The following INTS3 variants were observed in gnomAD, a reference collection of about 807,000 sequenced individuals.
INTS3 encodes SOSS complex subunit A.
In INTS3, 34 loss-of-function variants were observed where a neutral mutation model predicts 146.3. That is an observed-to-expected ratio of 0.23 (90% CI 0.18 to 0.31). INTS3 has a LOEUF of 0.31. INTS3 is among the 10% of genes least tolerant of loss of function. The pLI is 1.00. For missense variants in INTS3, 757 were observed against 1,304.2 expected, an observed-to-expected ratio of 0.58 and a Z score of 6.46; for synonymous variants, 475 against 494.9, an observed-to-expected ratio of 0.96 and a Z score of 0.53.
At chr1:153,758,420 T>C (rs1343086738) in intron 10 of INTS3, among the ~76,000 whole-genome samples, 1 of 152,244 alleles carries the variant, frequency 6.6e-6, no homozygotes, top group Non-Finnish European at 1.5e-5. Flanking sequence ...GGTGCTAGTC[T>C]GACTGTTGCC....
Position 153,740,721 on chromosome 1 carries a change from C to T in INTS3, c.221C>T (p.Ala74Val), listed in dbSNP as rs187457797. The change falls in exon 2 of 30, where the codon GCC (alanine) becomes GTC (valine). Residue 74 changes from alanine to valine, a missense_variant. Coordinates refer to ENST00000318967, the MANE Select transcript of INTS3 (RefSeq NM_023015.5). ...GTCTCGGAGAGAGAAGCCAATGATG[C>T]CCTCAATGCGTATGTAAGTAGAATG... ...AGVSEREAND[A>V]LNAYVCKGLP... 1 of 1,611,964 alleles carries T rather than the reference C, an allele frequency of 6.2e-7. No homozygotes were observed. The highest frequency in any genetic ancestry group is 8.5e-7 in the Non-Finnish European group (1 of 1,178,068).
intron 24 of INTS3, among the ~76,000 whole-genome samples, 184 bp downstream of exon 24, chr1:153,770,495 A>G (rs1297567903): frequency 1.3e-5 from 2 of 152,188 alleles, no homozygotes; most frequent in Non-Finnish European, 2.9e-5. Flanking sequence ...TGGGCCCACC[A>G]TGAGCCAGGC....
chr1:153,756,856 C>T (rs1316226153), intron 9 of INTS3, among the ~76,000 whole-genome samples: 1 of 152,168 alleles, frequency 6.6e-6, no homozygotes, highest in African/African-American at 2.4e-5. Context: ...ATCTCAGTTA[C>T]AATAGCTGCA....
intron 1 of INTS3, among the ~76,000 whole-genome samples, chr1:153,733,244 G>T (rs1184731852): frequency 1.0e-5 from 1 of 97,122 alleles, no homozygotes; most frequent in Non-Finnish European, 1.8e-5. Context: ...ATGCAGTCTT[G>T]CTCTGTCTCC....
intron 12 of INTS3, 24 bp from the exon 13 acceptor site, chr1:153,760,803 T>G: frequency 6.3e-7 from 1 of 1,586,426 alleles, no homozygotes; most frequent in Non-Finnish European, 8.7e-7. Context: ...TGTGCTCATT[T>G]TTCCCCTCCT....
At chr1:153,730,996 G>A (rs1230781490) in intron 1 of INTS3, among the ~76,000 whole-genome samples, 2 of 151,862 alleles carry the variant, frequency 1.3e-5, no homozygotes, top group Admixed American at 1.3e-4. Flanking sequence ...ACCTCTGCTT[G>A]TTCTGGCTTG....
chr1:153,755,668 G>T (rs1318104735), intron 9 of INTS3, among the ~76,000 whole-genome samples: 1 of 152,162 alleles, frequency 6.6e-6, no homozygotes, highest in Non-Finnish European at 1.5e-5. Flanking sequence ...AATTGTCCAG[G>T]TCTGTGTTCT....
chr1:153,773,884 C>G lies in INTS3; in HGVS notation c.*614C>G, dbSNP rs1247158894. On this transcript the variant is annotated 3_prime_UTR_variant, in exon 30 of 30. Coordinates refer to ENST00000318967, the MANE Select transcript of INTS3 (RefSeq NM_023015.5). ...AGCCCCACGTGGTGTGCCCTGGAGG[C>G]TTAGGTTGGTCTGAGGTTGGCACCT... The G allele has an allele frequency of 6.0e-6, 1 of 166,826 alleles. No homozygotes were observed. The allele number at this position is 166,826 out of a possible 1,614,324, so 10.3% of individuals were successfully genotyped here. A position where few individuals can be genotyped will look rare whatever the true frequency, so the allele number is the denominator to read the frequency against.
Position 153,728,744 on chromosome 1 carries a change from T to C in INTS3, c.110T>C (p.Leu37Pro). The part of the protein sequence containing the change: ...GAGAPGGGRL[L>P]LSTSLDAKDE... ...GGAGCCCCAGGAGGGGGGAGGCTGC[T>C]ACTTTCAACCAGTTTGGATGCCAAG... Residue 37 changes from leucine (L) to proline (P), a missense_variant, in exon 1 of 30, where the codon CTA (leucine) becomes CCA (proline). Around this residue, in one of 8 missense-constraint regions of INTS3, gnomAD observed 160 missense variants for 193.7 expected, o/e 0.83. Transcript: ENST00000318967. 6.2e-7 allele frequency: 1 copy of C among 1,608,878 alleles called. No homozygotes were observed. Among genetic ancestry groups the C allele is most frequent in the Non-Finnish European group, 8.5e-7 (1 of 1,177,574 alleles).
chr1:153,748,133 T>A (rs1671819666), intron 5 of INTS3: 3 of 157,094 alleles, frequency 1.9e-5, no homozygotes, highest in Admixed American at 1.8e-4. Flanking sequence ...TCCTGGCACT[T>A]CTTCCCTGTT....
In INTS3 at chr1:153,764,235, T is replaced by TCC. The variant is rs3842687; in HGVS notation, c.1925+16_1925+17dup. ...GATTACTGAGGAGTAAGGCTGATTT[T>TCC]CCCTCACTCCAGAGCCTCAGGAGCC... is the stretch of plus-strand genomic sequence containing the variant. On this transcript the variant is annotated intron_variant, in intron 18 of 29. Transcript: ENST00000318967. 5.9e-3 allele frequency: 9,294 copies of TCC among 1,574,470 alleles called. 278 individuals are homozygous for TCC. The African/African-American group carries it at 0.067, about 11-fold the overall frequency.
intron 11 of INTS3, chr1:153,759,909 C>T (rs1672309457): frequency 2.0e-6 from 1 of 509,716 alleles, no homozygotes; most frequent in Non-Finnish European, 3.5e-6. Flanking sequence ...CCTATTACTT[C>T]CCTTCTCAAA....
chr1:153,764,231 A>T lies in INTS3; in HGVS notation c.1925+10A>T, dbSNP rs778088910. On this transcript the variant is annotated intron_variant, in intron 18 of 29. Coordinates refer to ENST00000318967, the MANE Select transcript of INTS3 (RefSeq NM_023015.5). ...AGGAGATTACTGAGGAGTAAGGCTG[A>T]TTTTCCCTCACTCCAGAGCCTCAGG... The T allele has an allele frequency of 6.3e-7, 1 of 1,589,098 alleles. No homozygotes were observed. Among genetic ancestry groups the T allele is most frequent in the African/African-American group, 1.4e-5 (1 of 73,990 alleles).
intron 20 of INTS3, among the ~76,000 whole-genome samples, chr1:153,765,813 A>G (rs1301231186): frequency 3.9e-5 from 6 of 151,978 alleles, no homozygotes; most frequent in Admixed American, 3.9e-4. Flanking sequence ...CAGGTGATCC[A>G]CCCACCTTGG....
intron 1 of INTS3, among the ~76,000 whole-genome samples, chr1:153,738,732 A>T (rs985414010): frequency 6.6e-6 from 1 of 152,140 alleles, no homozygotes; most frequent in Non-Finnish European, 1.5e-5. Context: ...ATTGATGATG[A>T]TATTTGCCTG....
chr1:153,754,556 G>A (rs1320480208), intron 8 of INTS3, 86 bp from the exon 9 acceptor site: 1 of 923,838 alleles, frequency 1.1e-6, no homozygotes, highest in African/African-American at 1.6e-5. Flanking sequence ...CTGGCCATCA[G>A]TACCTGGCCC....
chr1:153,752,504 G>A (rs1462611600), intron 8 of INTS3, 96 bp downstream of exon 8: 2 of 1,275,638 alleles, frequency 1.6e-6, no homozygotes, highest in Admixed American at 2.4e-5. Context: ...GGGTAGGAGA[G>A]TCTTTGGTGG....
Position 153,759,508 on chromosome 1 carries a change from C to T in INTS3, c.1150-18C>T, listed in dbSNP as rs752946517. The T allele has an allele frequency of 6.4e-6, 10 of 1,566,484 alleles. No individual in the cohort carries two copies. The highest frequency in any genetic ancestry group is 1.7e-5 in the Admixed American group (1 of 59,930). On this transcript the variant is annotated intron_variant, in intron 10 of 29. Coordinates refer to ENST00000318967, the MANE Select transcript of INTS3 (RefSeq NM_023015.5). ...GATTGATGAAACTAGCCCTCTGTTT[C>T]TCCCCTCTCTTTTCCAGTCAAATGT...
chr1:153,734,149 A>C (rs1225808439), intron 1 of INTS3, among the ~76,000 whole-genome samples: 2 of 152,072 alleles, frequency 1.3e-5, no homozygotes, highest in East Asian at 3.9e-4. Flanking sequence ...CAGCTCTCTA[A>C]GGTACTGTCA....
Sources: allele counts gnomAD v4.1 joint callset (sites outside exome capture counted in the v4.1 genomes callset), GRCh38; gene constraint gnomAD v4.1.1; regional missense constraint gnomAD v4.1.1; transcripts MANE v1.5; gene names NCBI Gene and HGNC (gene_info 2026-07-23, HGNC 2026-07-21).